Variants in DOCK5 observed in about 807,000 individuals in gnomAD.
DOCK5 encodes dedicator of cytokinesis protein 5.
DOCK5 carries 142 observed loss-of-function variants against 251.8 expected under a neutral mutation model. The observed-to-expected ratio is 0.56, with a 90% CI of 0.49 to 0.65. The LOEUF is 0.65. Among genes scored for constraint, DOCK5 ranks in the 30% least tolerant of loss-of-function variants. The pLI, the probability that DOCK5 is intolerant of heterozygous loss-of-function variation, is 0.00. For missense variants in DOCK5, 2,111 were observed against 2,312.3 expected (o/e 0.91, Z 1.79); for synonymous variants, 842 against 835.5 (o/e 1.01, Z -0.13).
chr8:25,351,679 GA>G (rs1305745552), intron 26 of DOCK5, 51 bp from the exon 27 acceptor site: 30 of 1,462,730 alleles, frequency 2.1e-5, no homozygotes, highest in Non-Finnish European at 2.5e-5. Flanking sequence ...GTTCCTTAAA[GA>G]AAGTGAAACT....
intron 38 of DOCK5, 63 bp downstream of exon 38, chr8:25,377,487 A>C: frequency 6.5e-7 from 1 of 1,545,294 alleles, no homozygotes; most frequent in Non-Finnish European, 8.7e-7. Context: ...TCGCAATACA[A>C]TTCTGATGCT....
At chr8:25,297,430 G>A (rs1804647043) in intron 7 of DOCK5, among the ~76,000 whole-genome samples, 1 of 152,048 alleles carries the variant, frequency 6.6e-6, no homozygotes, top group Admixed American at 6.6e-5. Flanking sequence ...GCTAATTTTT[G>A]TATTTTTAGT....
intron 50 of DOCK5, 168 bp from the exon 51 acceptor site, chr8:25,409,931 G>A (rs1801590166): frequency 8.5e-6 from 5 of 590,816 alleles, no homozygotes; most frequent in Non-Finnish European, 1.2e-5. Flanking sequence ...CGTCACCTGT[G>A]TGATGTGGGG....
chr8:25,329,802 C>T (rs572427268), intron 18 of DOCK5, among the ~76,000 whole-genome samples: 2 of 152,216 alleles, frequency 1.3e-5, no homozygotes, highest in South Asian at 2.1e-4. Flanking sequence ...AAATTGTGTA[C>T]ACCCATACAA....
chr8:25,189,909 T>C (rs538783022), intron 1 of DOCK5, among the ~76,000 whole-genome samples: 1 of 152,294 alleles, frequency 6.6e-6, no homozygotes, highest in Admixed American at 6.5e-5. Flanking sequence ...TATTTTGAGA[T>C]GGAGTCTTGC....
chr8:25,301,321 G>A (rs1436377077), intron 9 of DOCK5, among the ~76,000 whole-genome samples: 1 of 152,080 alleles, frequency 6.6e-6, no homozygotes, highest in Non-Finnish European at 1.5e-5. Flanking sequence ...TCCATTAACA[G>A]AAGCCTTGCA....
intron 1 of DOCK5, among the ~76,000 whole-genome samples, chr8:25,188,613 T>C (rs1801490787): frequency 6.6e-6 from 1 of 152,212 alleles, no homozygotes. Flanking sequence ...ATGCAGCCTG[T>C]CTGGGCTTTC....
chr8:25,349,139 C>G (rs1800422596), intron 26 of DOCK5, among the ~76,000 whole-genome samples: 1 of 151,930 alleles, frequency 6.6e-6, no homozygotes, highest in African/African-American at 2.4e-5. Context: ...GAGGGTGGAC[C>G]CCAGGTACTT....
Position 25,403,621 on chromosome 8 carries a change from T to C in DOCK5, c.4990T>C (p.Ser1664Pro). 6.2e-7 allele frequency: 1 copy of C among 1,614,000 alleles called. No individual in the cohort carries two copies. The highest frequency in any genetic ancestry group is 1.6e-4 in the Middle Eastern group (1 of 6,062). The change falls in exon 48 of 52, where the codon TCT (serine) becomes CCT (proline). Residue 1664 changes from serine to proline, a missense_variant. By Grantham distance (74) the Ser-to-Pro change is moderately conservative. Transcript: ENST00000276440. ...TGSIVLPYIM[S>P]STLRRLSITS... ...GTCTATTGTGCTCCCCTACATCATGTCTTCCACTCTGCGGAGGTTGTCCAT... is the reference window on the plus strand; with the variant it reads ...GTCTATTGTGCTCCCCTACATCATGCCTTCCACTCTGCGGAGGTTGTCCAT...
At chr8:25,310,277 C>A in intron 12 of DOCK5, 130 bp from the exon 13 acceptor site, 1 of 905,722 alleles carries the variant, frequency 1.1e-6, no homozygotes, top group Non-Finnish European at 1.6e-6. Flanking sequence ...AATTATAAGT[C>A]AACTGGGGGA....
Position 25,366,931 on chromosome 8 carries a change from A to T in DOCK5, c.3185A>T (p.Glu1062Val). ...CTCACCCATGAGTCCCTTCAGCTTG[A>T]AACCTTCTCACAAGCCAAGCGCAAC... The part of the protein sequence containing the change: ...AFLTHESLQL[E>V]TFSQAKRNKI... The change falls in exon 31 of 52, where the codon GAA (glutamate) becomes GTA (valine). Residue 1062 changes from glutamate to valine, a missense_variant. Physicochemically the swap from Glu to Val is moderately radical, Grantham distance 121. Around this residue, in one of 3 missense-constraint regions of DOCK5, gnomAD observed 1,717 missense variants for 1,892.4 expected, o/e 0.91. Transcript: ENST00000276440. The T allele has an allele frequency of 6.2e-7, 1 of 1,613,922 alleles. No homozygotes were observed. Among genetic ancestry groups the T allele is most frequent in the Non-Finnish European group, 8.5e-7 (1 of 1,179,828 alleles).
chr8:25,198,520 T>C (rs548810911), intron 1 of DOCK5, among the ~76,000 whole-genome samples: 126 of 151,662 alleles, frequency 8.3e-4, no homozygotes, highest in Non-Finnish European at 1.6e-3. Flanking sequence ...TGCAGTAAGC[T>C]GAGATCGTGC....
At chr8:25,225,387 A>G (rs970696336) in intron 1 of DOCK5, among the ~76,000 whole-genome samples, 1 of 152,196 alleles carries the variant, frequency 6.6e-6, no homozygotes, top group Non-Finnish European at 1.5e-5. Context: ...TGGTCTGACC[A>G]TACAAAGGAA....
At chr8:25,389,611 G>A (rs1478310338) in intron 41 of DOCK5, among the ~76,000 whole-genome samples, 3 of 152,168 alleles carry the variant, frequency 2.0e-5, no homozygotes, top group Non-Finnish European at 4.4e-5. Flanking sequence ...ATCAGAGCAG[G>A]AGCGCTTACA....
intron 12 of DOCK5, among the ~76,000 whole-genome samples, chr8:25,309,452 G>A (rs1041857573): frequency 1.3e-5 from 2 of 151,912 alleles, no homozygotes; most frequent in African/African-American, 2.4e-5. Flanking sequence ...CAAATCCCTG[G>A]AACTTTAGGT....
At chr8:25,291,945 C>A (rs1804499714) in intron 5 of DOCK5, 79 bp from the exon 6 acceptor site, 20 of 1,283,344 alleles carry the variant, frequency 1.6e-5, no homozygotes, top group Middle Eastern at 2.2e-4. Flanking sequence ...TAAAAACAAA[C>A]AAATAAAAAA....
chr8:25,328,706 T>G (rs1805618718), intron 18 of DOCK5, among the ~76,000 whole-genome samples: 1 of 152,188 alleles, frequency 6.6e-6, no homozygotes, highest in South Asian at 2.1e-4. Flanking sequence ...CTTGATTTGT[T>G]TTTTAGAAAC....
chr8:25,185,563 C>A (rs143631686), intron 1 of DOCK5, among the ~76,000 whole-genome samples: 144 of 152,232 alleles, frequency 9.5e-4, no homozygotes, highest in African/African-American at 3.3e-3. Context: ...AAGGGGGTGG[C>A]TGGCCCCTGG....
chr8:25,273,226 G>A (rs1385064768), intron 3 of DOCK5, among the ~76,000 whole-genome samples: 20 of 152,124 alleles, frequency 1.3e-4, no homozygotes, highest in Admixed American at 1.3e-3. Context: ...CTTTCTCATT[G>A]CTATATTCAT....
Sources: gnomAD v4.1 joint callset for allele counts (sites outside exome capture counted in the v4.1 genomes callset) on GRCh38, gnomAD v4.1.1 for gene constraint, gnomAD v4.1.1 regional missense constraint, MANE v1.5 for transcripts, NCBI Gene and HGNC (gene_info 2026-07-23, HGNC 2026-07-21) for gene names.